The following SYT1 variants were observed in gnomAD, a reference collection of about 807,000 sequenced individuals.
SYT1 encodes the protein synaptotagmin-1.
A neutral mutation model predicts 44.8 loss-of-function variants in SYT1; 8 were observed. The ratio of observed to expected loss-of-function variants is 0.18; its 90% CI spans 0.10 to 0.32. The LOEUF is 0.32. Among genes scored for constraint, SYT1 ranks in the 10% least tolerant of loss-of-function variants. SYT1 has a pLI of 1.00. For synonymous variants in SYT1, 154 were observed against 188.8 expected (o/e 0.82, Z 1.51); for missense variants, 286 against 509.3 (o/e 0.56, Z 4.22).
At chr12:79,303,406 CT>C (rs902574729) in intron 8 of SYT1, among the ~76,000 whole-genome samples, 4 of 150,608 alleles carry the variant, frequency 2.7e-5, no homozygotes, top group East Asian at 3.9e-4. Flanking sequence ...AAAACTAAGC[CT>C]TTTTTTTTAA....
chr12:79,282,055 CCT>C (rs1309486467), intron 4 of SYT1, among the ~76,000 whole-genome samples: 30 of 152,110 alleles, frequency 2.0e-4, no homozygotes, highest in Admixed American at 1.2e-3. Context: ...TTCAAATCTC[CCT>C]CTCTCTCTTG....
At chr12:79,130,888 A>C (rs1405250797) in intron 3 of SYT1, among the ~76,000 whole-genome samples, 1 of 152,150 alleles carries the variant, frequency 6.6e-6, no homozygotes, top group Non-Finnish European at 1.5e-5. Context: ...CTTAACACAC[A>C]TCTACAGGGC....
chr12:79,009,579 A>T (rs1206106513), intron 2 of SYT1, among the ~76,000 whole-genome samples: 3 of 152,198 alleles, frequency 2.0e-5, no homozygotes, highest in African/African-American at 7.2e-5. Flanking sequence ...TACCCTATGA[A>T]GTAAGTAACA....
intron 7 of SYT1, among the ~76,000 whole-genome samples, chr12:79,298,606 T>G (rs1006815542): frequency 3.3e-5 from 5 of 152,160 alleles, no homozygotes. Flanking sequence ...CTTACTTGGA[T>G]TGCACTGCTT....
chr12:79,333,278 T>C (rs915509948), intron 8 of SYT1, among the ~76,000 whole-genome samples: 1 of 152,202 alleles, frequency 6.6e-6, no homozygotes, highest in East Asian at 1.9e-4. Flanking sequence ...CTTTTCACCA[T>C]GTCCTCACAT....
chr12:78,979,980 C>T (rs7953064), intron 2 of SYT1, among the ~76,000 whole-genome samples: 12,692 of 151,966 alleles, frequency 0.084, 657 homozygotes, highest in African/African-American at 0.14. Flanking sequence ...AAATGAATTA[C>T]GTGAGTGTCT....
intron 3 of SYT1, among the ~76,000 whole-genome samples, chr12:79,190,072 G>A (rs554076249): frequency 4.3e-4 from 65 of 152,230 alleles, no homozygotes; most frequent in African/African-American, 1.5e-3. Context: ...CAGTCTAGAT[G>A]ACTAATGCAT....
chr12:78,959,116 A>G (rs903951575), intron 1 of SYT1, among the ~76,000 whole-genome samples: 2 of 152,172 alleles, frequency 1.3e-5, no homozygotes, highest in South Asian at 2.1e-4. Context: ...ACTTCTGGAA[A>G]TTTGAGAAGC....
At chr12:78,930,306 A>C (rs1400736629) in intron 1 of SYT1, among the ~76,000 whole-genome samples, 1 of 152,134 alleles carries the variant, frequency 6.6e-6, no homozygotes, top group Non-Finnish European at 1.5e-5. Flanking sequence ...TCATTTAAAA[A>C]TAAACCAATA....
intron 1 of SYT1, among the ~76,000 whole-genome samples, chr12:78,920,333 G>A (rs1208754854): frequency 4.0e-5 from 6 of 151,782 alleles, no homozygotes; most frequent in Admixed American, 3.9e-4. Context: ...CCTGTGACTG[G>A]GTTGTCTTAT....
At position 79,217,569 on chromosome 12, in the gene SYT1, C is replaced by G. The variant is rs1204888047; in HGVS notation, c.50C>G (p.Thr17Ser). ...GCCCTGGCAGCCCCGCCTGTCACCA[C>G]TGTCGCGACTGTTCTGCCAAGCAAC... ...HEALAAPPVT[T>S]VATVLPSNAT... Residue 17 changes from threonine (T) to serine (S), a missense_variant, in exon 4 of 11, where the codon ACT becomes AGT. Coordinates refer to ENST00000261205, the MANE Select transcript of SYT1 (RefSeq NM_005639.3). 6.2e-7 allele frequency: 1 copy of G among 1,612,448 alleles called. No homozygotes were observed. Among genetic ancestry groups the G allele is most frequent in the South Asian group, 1.1e-5 (1 of 90,934 alleles).
rs772305006 is a variant in SYT1 at position 79,217,700 on chromosome 12, T to C, written c.166+15T>C. The C allele has an allele frequency of 2.5e-6, 4 of 1,593,656 alleles. No individual in the cohort carries two copies. Among genetic ancestry groups the C allele is most frequent in the Middle Eastern group, 1.7e-4 (1 of 6,022 alleles). ...TAAAATTCCATGTGAGTATTCTATA[T>C]TAGTACTTGAGTAAAAATAAGTGGT... On this transcript the variant is annotated intron_variant, in intron 4 of 10. Transcript: ENST00000261205.
At chr12:79,369,066 T>A (rs552689691) in intron 9 of SYT1, among the ~76,000 whole-genome samples, 12 of 152,352 alleles carry the variant, frequency 7.9e-5, no homozygotes, top group African/African-American at 2.9e-4. Flanking sequence ...ATCAGTCATG[T>A]TGAACTGTGC....
At chr12:79,195,078 TG>T (rs1364497389) in intron 3 of SYT1, among the ~76,000 whole-genome samples, 87 of 152,340 alleles carry the variant, frequency 5.7e-4, no homozygotes, top group Non-Finnish European at 9.7e-4. Flanking sequence ...GCATATTTAT[TG>T]CTACATCTTT....
At chr12:79,443,919 A>T (rs1160279510) in intron 9 of SYT1, among the ~76,000 whole-genome samples, 154 bp from the exon 10 acceptor site, 8 of 152,360 alleles carry the variant, frequency 5.3e-5, no homozygotes, top group African/African-American at 9.6e-5. Flanking sequence ...TAGGTTATTT[A>T]AAATATTTCA....
intron 2 of SYT1, among the ~76,000 whole-genome samples, chr12:79,008,041 T>C (rs1871202027): frequency 6.6e-6 from 1 of 151,900 alleles, no homozygotes; most frequent in Admixed American, 6.6e-5. Context: ...ATAACCAATA[T>C]GCCTATAAAT....
chr12:79,402,619 G>A (rs1250873316), intron 9 of SYT1, among the ~76,000 whole-genome samples: 2 of 152,126 alleles, frequency 1.3e-5, no homozygotes, highest in Non-Finnish European at 2.9e-5. Context: ...AACAAAAGAA[G>A]AAAAGAGAGC....
intron 4 of SYT1, among the ~76,000 whole-genome samples, chr12:79,238,588 T>C (rs1274244840): frequency 1.3e-5 from 2 of 152,180 alleles, no homozygotes; most frequent in Non-Finnish European, 2.9e-5. Flanking sequence ...TTACAGCTCA[T>C]GCACTTAACA....
At chr12:79,339,728 T>A (rs528280543) in intron 8 of SYT1, among the ~76,000 whole-genome samples, 16 of 152,206 alleles carry the variant, frequency 1.1e-4, no homozygotes, top group African/African-American at 3.4e-4. Flanking sequence ...GGTGTTTTAG[T>A]CATGAAGTCC....
Sources: allele counts gnomAD v4.1 joint callset (sites outside exome capture counted in the v4.1 genomes callset), GRCh38; gene constraint gnomAD v4.1.1; transcripts MANE v1.5; gene names NCBI Gene and HGNC (gene_info 2026-07-23, HGNC 2026-07-21).